RERE: variants seen among roughly 807,000 people sequenced by gnomAD.
The protein encoded by RERE is arginine-glutamic acid dipeptide repeats protein.
Under a neutral mutation model 146.1 loss-of-function variants are expected in RERE, and 40 were observed. The ratio of observed to expected loss-of-function variants is 0.27; its 90% CI spans 0.21 to 0.36. The LOEUF is 0.36. Among genes scored for constraint, RERE ranks in the 10% least tolerant of loss-of-function variants. The probability of loss-of-function intolerance (pLI) is 1.00; values close to 1 mark genes in which losing one functional copy is unlikely to be tolerated. For missense variants in RERE, 1,933 were observed against 2,138.7 expected (o/e 0.90, Z 1.90); for synonymous variants, 1,003 against 866.0 (o/e 1.16, Z -2.78).
chr1:8,595,635 A>C (rs1396503607), intron 4 of RERE, among the ~76,000 whole-genome samples: 2 of 152,170 alleles, frequency 1.3e-5, no homozygotes, highest in Non-Finnish European at 2.9e-5. Context: ...AGCATGTTTA[A>C]GCAATATTTA....
chr1:8,363,165 G>A (rs949495089), intron 15 of RERE, among the ~76,000 whole-genome samples: 1 of 152,246 alleles, frequency 6.6e-6, no homozygotes, highest in Non-Finnish European at 1.5e-5. Context: ...GTCGCCTGGG[G>A]CCATCTTTAA....
chr1:8,730,907 C>A (rs770753139), intron 1 of RERE, among the ~76,000 whole-genome samples: 7 of 152,174 alleles, frequency 4.6e-5, no homozygotes, highest in Non-Finnish European at 7.3e-5. Context: ...TGCCAGGCTT[C>A]ATTTTCAGTT....
intron 2 of RERE, among the ~76,000 whole-genome samples, chr1:8,637,135 T>A (rs556358844): frequency 1.3e-5 from 2 of 152,198 alleles, no homozygotes; most frequent in Admixed American, 6.5e-5. Context: ...GCTCTTAATT[T>A]AGAATGATCA....
At chr1:8,719,703 A>G (rs1639825721) in intron 1 of RERE, among the ~76,000 whole-genome samples, 2 of 152,222 alleles carry the variant, frequency 1.3e-5, no homozygotes, top group African/African-American at 4.8e-5. Context: ...AAGCGAAAGT[A>G]AGCCTACCAC....
At chr1:8,402,826 C>A (rs950201521) in intron 12 of RERE, among the ~76,000 whole-genome samples, 4 of 152,146 alleles carry the variant, frequency 2.6e-5, no homozygotes, top group Admixed American at 2.6e-4. Context: ...AATTAAATAT[C>A]AGGTATATTC....
At chr1:8,646,825 C>T (rs1647331498) in intron 2 of RERE, among the ~76,000 whole-genome samples, 1 of 152,126 alleles carries the variant, frequency 6.6e-6, no homozygotes, top group Non-Finnish European at 1.5e-5. Flanking sequence ...CTGGTGCCTT[C>T]AGAGGTAACA....
At chr1:8,618,276 G>A (rs1414916569) in intron 3 of RERE, among the ~76,000 whole-genome samples, 1 of 152,178 alleles carries the variant, frequency 6.6e-6, no homozygotes, top group Non-Finnish European at 1.5e-5. Flanking sequence ...ACTTGGCAAG[G>A]TAGGTACTTT....
intron 1 of RERE, among the ~76,000 whole-genome samples, chr1:8,725,264 T>C (rs1304264033): frequency 1.3e-5 from 2 of 152,330 alleles, no homozygotes; most frequent in Non-Finnish European, 2.9e-5. Context: ...TAGTTGTAAC[T>C]ACGTCAAAAT....
intron 1 of RERE, among the ~76,000 whole-genome samples, chr1:8,774,975 T>C (rs925236187): frequency 5.6e-5 from 8 of 143,484 alleles, no homozygotes; most frequent in African/African-American, 2.1e-4. Context: ...TTTTTTTTTT[T>C]TTTTTTGAAA....
At chr1:8,670,303 C>T (rs958074500) in intron 1 of RERE, among the ~76,000 whole-genome samples, 3 of 152,178 alleles carry the variant, frequency 2.0e-5, no homozygotes, top group South Asian at 2.1e-4. Context: ...GTAGTTATAA[C>T]ACTGATCATC....
intron 2 of RERE, among the ~76,000 whole-genome samples, chr1:8,640,140 G>GT (rs1192507615): frequency 6.9e-6 from 1 of 144,078 alleles, no homozygotes; most frequent in Non-Finnish European, 1.5e-5. Context: ...GGGTGACAGA[G>GT]TAAGACCCTG....
chr1:8,814,024 G>A (rs1214385455), intron 1 of RERE, among the ~76,000 whole-genome samples: 2 of 152,130 alleles, frequency 1.3e-5, no homozygotes, highest in African/African-American at 4.8e-5. Context: ...TTGTGAATTG[G>A]TTCTCAGTTC....
intron 4 of RERE, among the ~76,000 whole-genome samples, chr1:8,612,760 G>A (rs984405683): frequency 2.4e-4 from 36 of 152,170 alleles, no homozygotes; most frequent in Admixed American, 3.9e-4. Flanking sequence ...AAGACATATC[G>A]GTAAATAAGA....
At chr1:8,685,218 C>T (rs1355612046) in intron 1 of RERE, among the ~76,000 whole-genome samples, 1 of 152,190 alleles carries the variant, frequency 6.6e-6, no homozygotes, top group Non-Finnish European at 1.5e-5. Flanking sequence ...TTAAACTACA[C>T]ATTTCCTGAT....
intron 4 of RERE, among the ~76,000 whole-genome samples, chr1:8,592,581 A>G (rs1489542969): frequency 6.6e-6 from 1 of 151,968 alleles, no homozygotes; most frequent in African/African-American, 2.4e-5. Context: ...CTAAAAAAAA[A>G]TCTTTTAAAA....
At chr1:8,763,556 C>T (rs1250373407) in intron 1 of RERE, among the ~76,000 whole-genome samples, 1 of 152,062 alleles carries the variant, frequency 6.6e-6, no homozygotes, top group East Asian at 1.9e-4. Flanking sequence ...AATCACTTGA[C>T]CCTGGGAGGC....
intron 1 of RERE, among the ~76,000 whole-genome samples, chr1:8,732,808 CTTTTTTTTTTTTTTTT>C (rs59337140): frequency 6.8e-4 from 45 of 65,734 alleles, no homozygotes; most frequent in East Asian, 2.4e-3. Context: ...TTCAATTTTT[CTTTTTTTTTTTTTTTT>C]TTTTTTTTTT....
intron 11 of RERE, among the ~76,000 whole-genome samples, chr1:8,458,738 A>T (rs1238650775): frequency 6.6e-6 from 1 of 152,238 alleles, no homozygotes; most frequent in Non-Finnish European, 1.5e-5. Flanking sequence ...CACAAAGAGC[A>T]AAATGGGCAT....
At chr1:8,673,173 GCAACC>G (rs1293653280) in intron 1 of RERE, among the ~76,000 whole-genome samples, 1 of 152,130 alleles carries the variant, frequency 6.6e-6, no homozygotes, top group Non-Finnish European at 1.5e-5. Context: ...TCAGCTCACT[GCAACC>G]TCCACCTCCC....
Sources: allele counts gnomAD v4.1 joint callset (sites outside exome capture counted in the v4.1 genomes callset), GRCh38; gene constraint gnomAD v4.1.1; transcripts MANE v1.5; gene names NCBI Gene and HGNC (gene_info 2026-07-23, HGNC 2026-07-21).